The following MTF2 variants were observed in gnomAD, a reference collection of about 807,000 sequenced individuals.
MTF2 encodes metal response element binding transcription factor 2, also known as metal-response element-binding transcription factor 2.
A neutral mutation model predicts 79.5 loss-of-function variants in MTF2; 11 were observed. That is an observed-to-expected ratio of 0.14 (90% CI 0.09 to 0.23). The LOEUF (loss-of-function observed/expected upper bound fraction) is 0.23. Ranked by LOEUF, MTF2 falls within the 10% of genes least tolerant of loss-of-function variation. MTF2 has a pLI of 1.00. For synonymous variants in MTF2, 208 were observed against 232.8 expected, an observed-to-expected ratio of 0.89 and a Z score of 0.97; for missense variants, 486 against 711.2, an observed-to-expected ratio of 0.68 and a Z score of 3.60.
At chr1:93,127,326 T>TC in intron 10 of MTF2, 27 bp downstream of exon 10, 5 of 1,401,268 alleles carry the variant, frequency 3.6e-6, no homozygotes, top group Non-Finnish European at 4.1e-6. Flanking sequence ...TATGTATCCC[T>TC]ATGAGGGAGA....
Position 93,110,598 on chromosome 1 carries a change from C to T in MTF2, c.258C>T (p.Ser86=). ...CFIIFEDSSK[S]WVLWKDIQTG... ...TCATATTTGAAGACAGTTCTAAATC[C>T]TGGGTTCTCTGGAAGGACATTCAAA... The change falls in exon 3 of 15, where the codon TCC becomes TCT. Residue 86 remains serine (S), a synonymous_variant. Transcript: ENST00000370298. The T allele has an allele frequency of 1.2e-6, 2 of 1,613,482 alleles. No individual in the cohort carries two copies. The highest frequency in any genetic ancestry group is 1.7e-6 in the Non-Finnish European group (2 of 1,179,612).
At chr1:93,105,786 C>T (rs1156859104) in intron 1 of MTF2, among the ~76,000 whole-genome samples, 1 of 152,094 alleles carries the variant, frequency 6.6e-6, no homozygotes, top group Non-Finnish European at 1.5e-5. Flanking sequence ...AGCAGTTCTC[C>T]TGCCTCAGCC....
At chr1:93,128,305 C>G (rs953911294) in intron 10 of MTF2, among the ~76,000 whole-genome samples, 5 of 152,042 alleles carry the variant, frequency 3.3e-5, no homozygotes, top group Admixed American at 1.3e-4. Context: ...CACCTGTAAT[C>G]CCAGCACTTT....
chr1:93,103,042 G>T (rs1655612718), intron 1 of MTF2, among the ~76,000 whole-genome samples: 1 of 151,812 alleles, frequency 6.6e-6, no homozygotes, highest in African/African-American at 2.4e-5. Context: ...TGAGGCAGGA[G>T]AATTGCTTGA....
chr1:93,087,076 C>T (rs890921937), intron 1 of MTF2, among the ~76,000 whole-genome samples: 2 of 152,140 alleles, frequency 1.3e-5, no homozygotes, highest in Admixed American at 6.5e-5. Flanking sequence ...TGACTACAAC[C>T]TGTTACGAGG....
rs1039381555 is a variant in MTF2, at chr1:93,138,392, T to A, written c.*1365T>A. 3.3e-5 allele frequency: 5 copies of A among 152,248 alleles called. No homozygotes were observed. Among genetic ancestry groups the A allele is most frequent in the African/African-American group, 1.2e-4 (5 of 41,554 alleles). The allele number at this position is 152,248 out of a possible 1,614,324, so 9.4% of individuals were successfully genotyped here. ...GATTTTAGACTAATTATGGGGGAAT[T>A]TGCCACCAAAATAAAAAATATGTAA... On this transcript the variant is annotated 3_prime_UTR_variant, in exon 15 of 15. Coordinates refer to ENST00000370298, the MANE Select transcript of MTF2 (RefSeq NM_007358.4).
intron 1 of MTF2, among the ~76,000 whole-genome samples, chr1:93,101,757 A>C (rs750637289): frequency 3.3e-5 from 5 of 151,170 alleles, no homozygotes; most frequent in Non-Finnish European, 4.4e-5. Context: ...TCAAAGAAAT[A>C]TTTTGTAGAG....
chr1:93,115,215 T>C, intron 5 of MTF2, 127 bp downstream of exon 5: 1 of 738,476 alleles, frequency 1.4e-6, no homozygotes, highest in East Asian at 2.8e-5. Context: ...AAAGAGGTGC[T>C]ATTTATTTGA....
At chr1:93,112,246 A>C (rs539216241) in intron 3 of MTF2, among the ~76,000 whole-genome samples, 1 of 152,364 alleles carries the variant, frequency 6.6e-6, no homozygotes, top group African/African-American at 2.4e-5. Flanking sequence ...AAAAATGAAT[A>C]AATGAATCTG....
chr1:93,085,352 A>G (rs1034838472), intron 1 of MTF2, among the ~76,000 whole-genome samples: 18 of 149,504 alleles, frequency 1.2e-4, no homozygotes, highest in Admixed American at 1.2e-3. Flanking sequence ...ATTTTTTTGT[A>G]TTTTTTAGTA....
intron 9 of MTF2, chr1:93,121,490 A>G (rs1465015225): frequency 1.0e-6 from 1 of 983,828 alleles, no homozygotes; most frequent in Non-Finnish European, 1.2e-6. Context: ...ACTGATTTGA[A>G]GTTTAGGAAG....
chr1:93,107,818 T>A (rs949243204), intron 1 of MTF2, among the ~76,000 whole-genome samples: 3 of 152,124 alleles, frequency 2.0e-5, no homozygotes, highest in African/African-American at 7.2e-5. Context: ...TCTCTCTCTG[T>A]TGCTCAGGCT....
chr1:93,103,240 A>G (rs929027381), intron 1 of MTF2, among the ~76,000 whole-genome samples: 3 of 151,128 alleles, frequency 2.0e-5, no homozygotes, highest in Non-Finnish European at 4.4e-5. Context: ...TATACGTAGT[A>G]TTTTATTATA....
In MTF2 at chr1:93,115,527, A is replaced by T; in HGVS notation, c.541A>T (p.Thr181Ser). 1 of 1,611,964 alleles carries T rather than the reference A, an allele frequency of 6.2e-7. No individual in the cohort carries two copies. Among genetic ancestry groups the T allele is most frequent in the Non-Finnish European group, 8.5e-7 (1 of 1,179,094 alleles). Residue 181 changes from threonine (T) to serine (S), a missense_variant, in exon 6 of 15, where the codon ACA becomes TCA. Transcript: ENST00000370298. ...NAKALQVMKQ[T>S]LPYSVADLEW... ...CAAAGCATTGCAAGTCATGAAGCAG[A>T]CATTACCCTATAGTGTGGCAGACCT... is the stretch of plus-strand genomic sequence containing the variant.
In MTF2 at chr1:93,120,539, C is replaced by T. The variant is rs189000135; in HGVS notation, c.798-10C>T. On this transcript the variant is annotated splice_polypyrimidine_tract_variant and intron_variant, in intron 8 of 14. Coordinates refer to ENST00000370298, the MANE Select transcript of MTF2 (RefSeq NM_007358.4). Reference sequence around the variant, plus strand: ...ATTGTTTTGTGTATTTGATTATTTTCGGATTCCAGGGTAGATATAGCACAC... The same window carrying T: ...ATTGTTTTGTGTATTTGATTATTTTTGGATTCCAGGGTAGATATAGCACAC... 7.1e-5 allele frequency: 111 copies of T among 1,556,866 alleles called. 1 individual carries two copies. The highest frequency in any genetic ancestry group is 3.0e-4 in the Admixed American group (14 of 46,384).
chr1:93,103,194 T>C (rs1266885307), intron 1 of MTF2, among the ~76,000 whole-genome samples: 1 of 151,870 alleles, frequency 6.6e-6, no homozygotes, highest in African/African-American at 2.4e-5. Context: ...ACTTGTTTTG[T>C]CTACGTTTGT....
intron 1 of MTF2, among the ~76,000 whole-genome samples, chr1:93,091,642 C>G (rs1486306172): frequency 6.6e-6 from 1 of 152,210 alleles, no homozygotes; most frequent in South Asian, 2.1e-4. Context: ...ATGTTTTAAA[C>G]TGTGACCACC....
intron 1 of MTF2, among the ~76,000 whole-genome samples, chr1:93,081,470 G>A (rs1483293759): frequency 6.6e-6 from 1 of 152,198 alleles, no homozygotes; most frequent in East Asian, 1.9e-4. Context: ...AACATCTGTA[G>A]CTTGATGGTT....
At chr1:93,131,118 G>A (rs544333162) in intron 11 of MTF2, among the ~76,000 whole-genome samples, 163 of 152,246 alleles carry the variant, frequency 1.1e-3, no homozygotes, top group African/African-American at 3.9e-3. Flanking sequence ...AGCAAGTAGA[G>A]AGAGAAGAGA....
Sources: allele counts gnomAD v4.1 joint callset (sites outside exome capture counted in the v4.1 genomes callset), GRCh38; gene constraint gnomAD v4.1.1; transcripts MANE v1.5; gene names NCBI Gene and HGNC (gene_info 2026-07-23, HGNC 2026-07-21).